The following PEX14 variants were observed in gnomAD, a reference collection of about 807,000 sequenced individuals.
PEX14 encodes the protein peroxisomal biogenesis factor 14.
PEX14 carries 15 observed loss-of-function variants against 49.5 expected under a neutral mutation model. The observed-to-expected ratio is 0.30, with a 90% CI of 0.20 to 0.47. The LOEUF is 0.47. Ranked by LOEUF, PEX14 falls within the 20% of genes least tolerant of loss-of-function variation. PEX14 has a pLI of 1.00. For synonymous variants in PEX14, 210 were observed against 212.7 expected, an observed-to-expected ratio of 0.99 and a Z score of 0.11; for missense variants, 398 against 494.8, an observed-to-expected ratio of 0.80 and a Z score of 1.86.
intron 3 of PEX14, among the ~76,000 whole-genome samples, chr1:10,560,874 C>T (rs979619047): frequency 2.0e-5 from 3 of 151,852 alleles, no homozygotes; most frequent in African/African-American, 4.8e-5. Context: ...CACACCACCA[C>T]GCCCAGCTAA....
intron 3 of PEX14, among the ~76,000 whole-genome samples, chr1:10,569,294 C>T (rs1557850088): frequency 6.6e-6 from 1 of 151,888 alleles, no homozygotes; most frequent in Non-Finnish European, 1.5e-5. Flanking sequence ...AGTTAATGGA[C>T]TCTATTTGGG....
intron 2 of PEX14, among the ~76,000 whole-genome samples, chr1:10,518,485 T>C (rs1036124647): frequency 1.3e-5 from 2 of 152,082 alleles, no homozygotes; most frequent in African/African-American, 4.8e-5. Context: ...AAAAATAAAA[T>C]ATAAAGGCCA....
At chr1:10,618,787 G>C (rs1451528628) in intron 5 of PEX14, among the ~76,000 whole-genome samples, 1 of 152,208 alleles carries the variant, frequency 6.6e-6, no homozygotes, top group Non-Finnish European at 1.5e-5. Context: ...GAGCATGGAC[G>C]CTGGGCCAGC....
At position 10,630,039 on chromosome 1, in the gene PEX14, G is replaced by A; in HGVS notation, c.*52G>A. On this transcript the variant is annotated 3_prime_UTR_variant, in exon 9 of 9. Coordinates refer to ENST00000356607, the MANE Select transcript of PEX14 (RefSeq NM_004565.3). This position sits in a 1 kb window ranked among gnomAD's most constrained non-coding sequence, Gnocchi z 4.1. ...AGGATGGCATCTAGTGTGCCCGTGCGTGGCCATACCCTGCCTCCCTCTCTG... is the reference window on the plus strand; with the variant it reads ...AGGATGGCATCTAGTGTGCCCGTGCATGGCCATACCCTGCCTCCCTCTCTG... The A allele has an allele frequency of 6.9e-6, 11 of 1,597,112 alleles. No homozygotes were observed. The highest frequency in any genetic ancestry group is 9.3e-6 in the Non-Finnish European group (11 of 1,177,764).
At chr1:10,545,425 AT>A (rs1639139587) in intron 3 of PEX14, among the ~76,000 whole-genome samples, 1 of 152,238 alleles carries the variant, frequency 6.6e-6, no homozygotes. Context: ...GAAAGTTGTT[AT>A]ACCATTTTAC....
At chr1:10,542,543 C>T (rs973656412) in intron 3 of PEX14, among the ~76,000 whole-genome samples, 24 of 152,272 alleles carry the variant, frequency 1.6e-4, no homozygotes, top group African/African-American at 4.6e-4. Context: ...GGGAGGATCA[C>T]GAGGTCAGAA....
At position 10,627,225 on chromosome 1, in the gene PEX14, C is replaced by T. The variant is rs371945105; in HGVS notation, c.586-47C>T. On this transcript the variant is annotated intron_variant, in intron 7 of 8. Coordinates refer to ENST00000356607, the MANE Select transcript of PEX14 (RefSeq NM_004565.3). ...TCCTCCTGCAGCCGCAGGCCCCGCC[C>T]GTGCCGCAAGGCGCCCGCCCTGAGC... 8.8e-5 allele frequency: 118 copies of T among 1,344,754 alleles called. No individual in the cohort carries two copies. The Middle Eastern group carries it at 1.3e-3, about 15-fold the overall frequency. The allele number at this position is 1,344,754 out of a possible 1,614,324, so 83.3% of individuals were successfully genotyped here. A position where few individuals can be genotyped will look rare whatever the true frequency, so the allele number is the denominator to read the frequency against.
intron 3 of PEX14, among the ~76,000 whole-genome samples, chr1:10,577,666 A>G (rs1361399825): frequency 1.6e-5 from 2 of 123,990 alleles, no homozygotes; most frequent in African/African-American, 6.4e-5. Flanking sequence ...ATCTCGGCTC[A>G]CTGCAAGCTC....
chr1:10,608,140 G>C (rs982159798), intron 4 of PEX14, among the ~76,000 whole-genome samples: 2 of 152,054 alleles, frequency 1.3e-5, no homozygotes, highest in African/African-American at 2.4e-5. Flanking sequence ...GCTAATTATT[G>C]TATTTTGTGG....
intron 4 of PEX14, among the ~76,000 whole-genome samples, chr1:10,610,673 C>T (rs942135397): frequency 1.3e-5 from 2 of 152,014 alleles, no homozygotes; most frequent in Non-Finnish European, 2.9e-5. Context: ...TCAGTAGAGA[C>T]GAGGTTTCTC....
chr1:10,553,041 T>C (rs1234974795), intron 3 of PEX14, among the ~76,000 whole-genome samples: 1 of 152,166 alleles, frequency 6.6e-6, no homozygotes, highest in African/African-American at 2.4e-5. Flanking sequence ...GATTTTGTTA[T>C]GTGGACAGTG....
chr1:10,577,818 G>A (rs1392376205), intron 3 of PEX14, among the ~76,000 whole-genome samples: 1 of 150,448 alleles, frequency 6.6e-6, no homozygotes, highest in Non-Finnish European at 1.5e-5. Context: ...AGCCAGGATG[G>A]TCTTGATCTC....
At position 10,589,138 on chromosome 1, in the gene PEX14, A is replaced by G. The variant is rs189136664; in HGVS notation, c.170-10100A>G. On this transcript the variant is annotated intron_variant, in intron 3 of 8. Transcript: ENST00000356607. ...AAGTCCCTTAGAAAGATGTTCTCTC[A>G]GTAAGTTCAGTAGAGCCCACATTTT... is the stretch of plus-strand genomic sequence containing the variant. Among the ~76,000 whole-genome samples, 23 of 152,320 alleles carry G rather than the reference A, an allele frequency of 1.5e-4. No individual in the cohort carries two copies. In the East Asian group the frequency reaches 4.2e-3, roughly 28 times the overall value.
chr1:10,550,520 G>T (rs1466299445), intron 3 of PEX14, among the ~76,000 whole-genome samples: 1 of 152,230 alleles, frequency 6.6e-6, no homozygotes, highest in African/African-American at 2.4e-5. Context: ...TGGTGATGAG[G>T]CTGTAGAAGC....
intron 3 of PEX14, among the ~76,000 whole-genome samples, chr1:10,591,648 T>TGTGC (rs1464238997): frequency 6.6e-6 from 1 of 150,744 alleles, no homozygotes; most frequent in Non-Finnish European, 1.5e-5. Flanking sequence ...TGTGTGTGTG[T>TGTGC]GTGTGTGTGT....
At chr1:10,516,396 G>T (rs1385053282) in intron 2 of PEX14, among the ~76,000 whole-genome samples, 1 of 152,222 alleles carries the variant, frequency 6.6e-6, no homozygotes, top group Admixed American at 6.5e-5. Flanking sequence ...CACTGGGTTT[G>T]CTGTGGGACC....
At chr1:10,563,165 C>T (rs1202151183) in intron 3 of PEX14, among the ~76,000 whole-genome samples, 1 of 149,830 alleles carries the variant, frequency 6.7e-6, no homozygotes, top group African/African-American at 2.4e-5. Context: ...ATCCACTGAC[C>T]TTGGCCTCCC....
chr1:10,583,592 G>A (rs1456312007), intron 3 of PEX14, among the ~76,000 whole-genome samples: 1 of 151,944 alleles, frequency 6.6e-6, no homozygotes, highest in Non-Finnish European at 1.5e-5. Context: ...TAGGAACATA[G>A]CAGTGAATAA....
chr1:10,531,251 C>T lies in PEX14; in HGVS notation c.85-4962C>T, dbSNP rs561951876. Among the ~76,000 whole-genome samples, 4 of 152,306 alleles carry T rather than the reference C, an allele frequency of 2.6e-5. No individual in the cohort carries two copies. The East Asian group carries it at 5.8e-4, about 22-fold the overall frequency. ...CACGAGTGCTAGCATCAGCGTTCTA[C>T]GATGTGTTTCTCTGATTAACAGCTG... On this transcript the variant is annotated intron_variant, in intron 2 of 8. Coordinates refer to ENST00000356607, the MANE Select transcript of PEX14 (RefSeq NM_004565.3).
Sources: allele counts gnomAD v4.1 joint callset (sites outside exome capture counted in the v4.1 genomes callset), GRCh38; gene constraint gnomAD v4.1.1; non-coding constraint Gnocchi (gnomAD v3.1); transcripts MANE v1.5; gene names NCBI Gene and HGNC (gene_info 2026-07-23, HGNC 2026-07-21).